The following ANK2 variants were observed in gnomAD, a reference collection of about 807,000 sequenced individuals.
ANK2 encodes the protein ankyrin 2.
In ANK2, 83 loss-of-function variants were observed where a neutral mutation model predicts 360.5. That is an observed-to-expected ratio of 0.23 (90% CI 0.19 to 0.28). The LOEUF is 0.28. ANK2 is among the 10% of genes least tolerant of loss of function. The pLI is 1.00. For synonymous variants in ANK2, 1,740 were observed against 1,759.5 expected (o/e 0.99, Z 0.28); for missense variants, 4,201 against 4,795.7 (o/e 0.88, Z 3.66).
At chr4:112,847,984 C>T (rs988146918) in intron 1 of ANK2, among the ~76,000 whole-genome samples, 5 of 152,178 alleles carry the variant, frequency 3.3e-5, no homozygotes, top group Admixed American at 2.0e-4. Context: ...TCTTCAGTAA[C>T]GAGTGGTGTC....
chr4:113,374,760 T>G (rs1380690739), intron 45 of ANK2: 2 of 1,090,434 alleles, frequency 1.8e-6, no homozygotes, highest in African/African-American at 1.6e-5. Flanking sequence ...CCTTCGATCA[T>G]TAGGTCACTT....
intron 4 of ANK2, chr4:113,214,453 A>C: frequency 2.7e-6 from 2 of 732,938 alleles, no homozygotes; most frequent in South Asian, 3.1e-5. Context: ...AGTTATGATT[A>C]TTTAAATAAA....
intron 2 of ANK2, among the ~76,000 whole-genome samples, chr4:113,175,139 C>T (rs2098142669): frequency 6.6e-6 from 1 of 152,048 alleles, no homozygotes; most frequent in Non-Finnish European, 1.5e-5. Context: ...CTGCAGTATT[C>T]ACTTCAATGC....
the ANK2 span, chr4:112,788,300 T>C: frequency 6.2e-4 from 973 of 1,571,176 alleles, 6 homozygotes; most frequent in Non-Finnish European, 4.0e-4. Context: ...GGTCTTCCTG[T>C]GGACGAGACG....
intron 1 of ANK2, among the ~76,000 whole-genome samples, chr4:113,083,014 C>T (rs916992863): frequency 2.0e-5 from 3 of 151,914 alleles, no homozygotes; most frequent in African/African-American, 7.3e-5. Context: ...ACATTTGGCC[C>T]TTATCTGGAG....
chr4:112,941,651 A>G (rs986319303), intron 2 of ANK2, among the ~76,000 whole-genome samples: 7 of 145,404 alleles, frequency 4.8e-5, no homozygotes, highest in African/African-American at 1.2e-4. Flanking sequence ...ATATAAATAT[A>G]TAGATATATA....
intron 4 of ANK2, among the ~76,000 whole-genome samples, chr4:113,205,099 A>G (rs949880708): frequency 2.0e-5 from 3 of 151,712 alleles, no homozygotes; most frequent in Non-Finnish European, 2.9e-5. Context: ...AGCTGGGCGT[A>G]GTGGCGGGCT....
chr4:112,984,453 G>T (rs1354215255), intron 2 of ANK2, among the ~76,000 whole-genome samples: 8 of 152,132 alleles, frequency 5.3e-5, no homozygotes, highest in Non-Finnish European at 1.2e-4. Context: ...ATAACCATCA[G>T]ATCTCATGAG....
At chr4:112,937,267 G>A (rs531157948) in intron 2 of ANK2, among the ~76,000 whole-genome samples, 58 of 152,048 alleles carry the variant, frequency 3.8e-4, no homozygotes, top group African/African-American at 1.3e-3. Context: ...ATATGGAAGC[G>A]GCTATAAAAG....
chr4:113,219,572 G>A (rs939449667), intron 4 of ANK2, among the ~76,000 whole-genome samples: 2 of 151,724 alleles, frequency 1.3e-5, no homozygotes, highest in South Asian at 2.1e-4. Context: ...CACAGAAAAA[G>A]TATTTTTAAA....
chr4:112,976,490 G>A (rs1281196211), intron 2 of ANK2, among the ~76,000 whole-genome samples: 1 of 152,162 alleles, frequency 6.6e-6, no homozygotes, highest in Non-Finnish European at 1.5e-5. Context: ...GTGGCACCCA[G>A]CCTGGTTGTG....
chr4:113,249,006 G>A (rs893817931), intron 9 of ANK2, among the ~76,000 whole-genome samples: 1 of 152,144 alleles, frequency 6.6e-6, no homozygotes, highest in African/African-American at 2.4e-5. Context: ...AAAAGACAGA[G>A]GGCACTTGGG....
chr4:112,936,643 C>T (rs1209004953), intron 2 of ANK2, among the ~76,000 whole-genome samples: 1 of 152,142 alleles, frequency 6.6e-6, no homozygotes, highest in East Asian at 1.9e-4. Context: ...CACGCCCGGC[C>T]AGCATTATCC....
chr4:113,309,130 T>C (rs374535856), intron 23 of ANK2, among the ~76,000 whole-genome samples: 9 of 152,368 alleles, frequency 5.9e-5, no homozygotes, highest in African/African-American at 1.9e-4. Context: ...TATGTATTAC[T>C]GAATAGCATG....
intron 4 of ANK2, among the ~76,000 whole-genome samples, chr4:113,213,002 T>C (rs1023440528): frequency 6.6e-6 from 1 of 152,212 alleles, no homozygotes; most frequent in African/African-American, 2.4e-5. Context: ...GACCCTTAAG[T>C]AATTTAATTG....
At chr4:112,945,070 G>C (rs1236914763) in intron 2 of ANK2, among the ~76,000 whole-genome samples, 1 of 152,246 alleles carries the variant, frequency 6.6e-6, no homozygotes, top group African/African-American at 2.4e-5. Context: ...TCACAAAGGT[G>C]TATCTTTTCC....
At chr4:112,919,907 T>C (rs1327154458) in intron 2 of ANK2, among the ~76,000 whole-genome samples, 2 of 152,134 alleles carry the variant, frequency 1.3e-5, no homozygotes, top group East Asian at 3.8e-4. Context: ...CTTGTAGCTA[T>C]TAATAATTTA....
intron 4 of ANK2, among the ~76,000 whole-genome samples, chr4:113,216,493 T>C (rs1450628821): frequency 6.6e-6 from 1 of 152,260 alleles, no homozygotes; most frequent in Non-Finnish European, 1.5e-5. Flanking sequence ...GTAAGAATCC[T>C]GTTGATTGCC....
At chr4:113,064,809 T>A (rs756147474) in intron 1 of ANK2, among the ~76,000 whole-genome samples, 113 of 67,810 alleles carry the variant, frequency 1.7e-3, no homozygotes, top group East Asian at 6.7e-3. Context: ...GTAGAACTTC[T>A]AACAAAAATG....
Sources: allele counts gnomAD v4.1 joint callset (sites outside exome capture counted in the v4.1 genomes callset), GRCh38; gene constraint gnomAD v4.1.1; transcripts MANE v1.5; gene names NCBI Gene and HGNC (gene_info 2026-07-23, HGNC 2026-07-21).